TPO: variants seen among roughly 807,000 people sequenced by gnomAD.
TPO encodes the protein thyroid peroxidase, also known as thyroid microsomal antigen.
In TPO, 78 loss-of-function variants were observed where a neutral mutation model predicts 96.9. The ratio of observed to expected loss-of-function variants is 0.81; its 90% CI spans 0.67 to 0.97. The LOEUF is 0.97. TPO is among the 50% of genes least tolerant of loss of function. The pLI is 0.00. For missense variants in TPO, 1,252 were observed against 1,274.8 expected (o/e 0.98, Z 0.27); for synonymous variants, 547 against 538.0 (o/e 1.02, Z -0.23).
chr2:1,501,901 T>C (rs1306609981), intron 13 of TPO, among the ~76,000 whole-genome samples: 1 of 151,994 alleles, frequency 6.6e-6, no homozygotes, highest in Non-Finnish European at 1.5e-5. Context: ...CCATCCACTT[T>C]GTGATGATTT....
At chr2:1,413,016 T>C (rs1662516019), upstream of TPO, among the ~76,000 whole-genome samples, 1 of 152,104 alleles carries the variant, frequency 6.6e-6, no homozygotes, top group Admixed American at 6.6e-5. Context: ...TATTCACCTC[T>C]TAGTGATAAG....
intron 13 of TPO, among the ~76,000 whole-genome samples, chr2:1,499,960 T>C (rs1298069400): frequency 6.6e-6 from 1 of 152,240 alleles, no homozygotes; most frequent in African/African-American, 2.4e-5. Context: ...CCTGTTGATA[T>C]TAACACTGTG....
chr2:1,505,969 G>A (rs1357027530), intron 14 of TPO, among the ~76,000 whole-genome samples: 1 of 149,516 alleles, frequency 6.7e-6, no homozygotes, highest in Non-Finnish European at 1.5e-5. Flanking sequence ...CCATTAACTC[G>A]TCATTTAACA....
intron 13 of TPO, among the ~76,000 whole-genome samples, chr2:1,500,645 T>G (rs1187487351): frequency 6.6e-6 from 1 of 152,188 alleles, no homozygotes; most frequent in African/African-American, 2.4e-5. Flanking sequence ...CAAATTCTAC[T>G]TATTCACTCA....
chr2:1,403,705 C>T (rs924421932), intron 1 of TPO, among the ~76,000 whole-genome samples: 4 of 152,226 alleles, frequency 2.6e-5, no homozygotes, highest in Non-Finnish European at 5.9e-5. Context: ...CCGTGACAGT[C>T]CCGAGAGCGG....
At chr2:1,535,343 A>C (rs113630182) in intron 15 of TPO, among the ~76,000 whole-genome samples, 1,402 of 40,780 alleles carry the variant, frequency 0.034, 191 homozygotes, top group African/African-American at 0.14. Context: ...ACTGTATGCA[A>C]CCTACTCAAA....
chr2:1,537,500 A>C (rs1680060196), intron 15 of TPO, among the ~76,000 whole-genome samples: 2 of 41,020 alleles, frequency 4.9e-5, no homozygotes, highest in African/African-American at 1.4e-4. Context: ...CAGCCTCCCC[A>C]AATCCCCCCA....
intron 1 of TPO, among the ~76,000 whole-genome samples, chr2:1,376,323 C>G (rs1421521128): frequency 6.6e-6 from 1 of 152,078 alleles, no homozygotes; most frequent in Non-Finnish European, 1.5e-5. Flanking sequence ...ATTGACCAGA[C>G]ATTTTGCTCT....
rs764757383 is a variant in TPO at position 1,496,152 on chromosome 2, A to G, written c.2170A>G (p.Ile724Val). The part of the protein sequence containing the change: ...FPEDFESCDS[I>V]TGMNLEAWRE... ...CGAAGACTTTGAGTCTTGTGACAGC[A>G]TCACTGGCATGAACCTGGAGGCCTG... is the stretch of plus-strand genomic sequence containing the variant. The change falls in exon 12 of 17, where the codon ATC becomes GTC. Residue 724 changes from isoleucine to valine, a missense_variant. Physicochemically the swap from Ile to Val is conservative, Grantham distance 29. Transcript: ENST00000329066. 1.2e-6 allele frequency: 2 copies of G among 1,614,118 alleles called. No individual in the cohort carries two copies. The highest frequency in any genetic ancestry group is 1.3e-5 in the African/African-American group (1 of 75,038).
chr2:1,518,579 C>A (rs1324840276), intron 15 of TPO, among the ~76,000 whole-genome samples: 1 of 152,074 alleles, frequency 6.6e-6, no homozygotes, highest in Non-Finnish European at 1.5e-5. Context: ...CAGATGCCTG[C>A]ATTTGATGCA....
intron 7 of TPO, among the ~76,000 whole-genome samples, chr2:1,461,537 G>A (rs948243537): frequency 2.0e-5 from 3 of 152,072 alleles, no homozygotes; most frequent in Non-Finnish European, 4.4e-5. Flanking sequence ...AGAAGAACCC[G>A]AGTGGGAGTG....
chr2:1,458,330 G>GC (rs1207916670), intron 7 of TPO, among the ~76,000 whole-genome samples: 4 of 151,922 alleles, frequency 2.6e-5, no homozygotes, highest in Non-Finnish European at 5.9e-5. Context: ...AAGATAATAT[G>GC]CGGACATGTG....
chr2:1,459,382 C>A (rs934512006), intron 7 of TPO, among the ~76,000 whole-genome samples: 3 of 152,094 alleles, frequency 2.0e-5, no homozygotes, highest in Non-Finnish European at 4.4e-5. Flanking sequence ...GAACTCCTGA[C>A]CTTGGGATCC....
intron 8 of TPO, 26 bp downstream of exon 8, chr2:1,477,630 T>C (rs774980347): frequency 1.9e-5 from 28 of 1,468,580 alleles, no homozygotes; most frequent in Non-Finnish European, 2.1e-5. Flanking sequence ...CTGGGCGCCC[T>C]GGGTGGCTGC....
chr2:1,391,811 C>T (rs1426049195), intron 1 of TPO, among the ~76,000 whole-genome samples: 2 of 152,136 alleles, frequency 1.3e-5, no homozygotes, highest in Non-Finnish European at 2.9e-5. Context: ...ATTTGGCTCT[C>T]TGTTTGTCTG....
intron 9 of TPO, among the ~76,000 whole-genome samples, chr2:1,486,737 G>A (rs1253173735): frequency 6.6e-6 from 1 of 152,096 alleles, no homozygotes. Flanking sequence ...TTTCCCAGTA[G>A]TCTGTAAGTC....
chr2:1,440,169 T>C (rs888739482), intron 5 of TPO, among the ~76,000 whole-genome samples: 2 of 148,966 alleles, frequency 1.3e-5, no homozygotes, highest in Non-Finnish European at 1.5e-5. Context: ...GTTTCCACCG[T>C]GCTGCGTTTC....
At chr2:1,510,178 A>C (rs1673950709) in intron 14 of TPO, among the ~76,000 whole-genome samples, 1 of 152,216 alleles carries the variant, frequency 6.6e-6, no homozygotes, top group South Asian at 2.1e-4. Flanking sequence ...TTTAAATAAA[A>C]TGTTTAAATC....
Position 1,449,075 on chromosome 2 carries a change from T to C in TPO, c.483-4619T>C, listed in dbSNP as rs537709145. 4.6e-5 allele frequency among the ~76,000 whole-genome samples: 7 copies of C among 152,292 alleles called. No homozygotes were observed. In the South Asian group the frequency reaches 1.2e-3, roughly 27 times the overall value. ...TTCGTGGAGTTCACGTTCTGTCCAA[T>C]ACAGCCTTAAAGCCCATGAACAATT... On this transcript the variant is annotated intron_variant, in intron 5 of 16. Transcript: ENST00000329066.
Sources: gnomAD v4.1 joint callset for allele counts (sites outside exome capture counted in the v4.1 genomes callset) on GRCh38, gnomAD v4.1.1 for gene constraint, MANE v1.5 for transcripts, NCBI Gene and HGNC (gene_info 2026-07-23, HGNC 2026-07-21) for gene names.